Variants in NXNL2 observed in about 807,000 individuals in gnomAD.
NXNL2 encodes nucleoredoxin-like protein 2.
A neutral mutation model predicts 11.1 loss-of-function variants in NXNL2; 7 were observed. That is an observed-to-expected ratio of 0.63 (90% CI 0.36 to 1.18). The LOEUF (loss-of-function observed/expected upper bound fraction) is 1.18. NXNL2 is among the 50% of genes most tolerant of loss of function. NXNL2 has a pLI of 0.02. For synonymous variants in NXNL2, 109 were observed against 101.8 expected, an observed-to-expected ratio of 1.07 and a Z score of -0.42; for missense variants, 233 against 217.7, an observed-to-expected ratio of 1.07 and a Z score of -0.44.
intron 1 of NXNL2, among the ~76,000 whole-genome samples, chr9:88,562,106 A>C (rs1830092107): frequency 6.6e-6 from 1 of 152,242 alleles, no homozygotes; most frequent in South Asian, 2.1e-4. Flanking sequence ...GATACTACAC[A>C]GGGACAACCT....
rs150542040 is a variant in NXNL2 at position 88,544,542 on chromosome 9, G to C, written c.466G>C (p.Val156Leu). 2.0e-6 allele frequency: 3 copies of C among 1,530,778 alleles called. No homozygotes were observed. Among genetic ancestry groups the C allele is most frequent in the Non-Finnish European group, 2.6e-6 (3 of 1,136,304 alleles). The allele number at this position is 1,530,778 out of a possible 1,614,324, so 94.8% of individuals were successfully genotyped here. A position where few individuals can be genotyped will look rare whatever the true frequency, so the allele number is the denominator to read the frequency against. Residue 156 changes from valine (V) to leucine (L), a missense_variant, in exon 2 of 2, where the codon GTT becomes CTT. Coordinates refer to ENST00000375854, the MANE Select transcript of NXNL2 (RefSeq NM_001161625.2). ...EAADIFQNFS[V>L] ...GGCCGATATCTTCCAGAATTTCTCC[G>C]TTTGAAGTGGGAGGGACCTCAGAGG...
At chr9:88,552,766 G>A (rs138019181) in intron 1 of NXNL2, among the ~76,000 whole-genome samples, 1 of 152,204 alleles carries the variant, frequency 6.6e-6, no homozygotes, top group East Asian at 1.9e-4. Flanking sequence ...ACCGCGCCCG[G>A]TGAAACATGC....
At chr9:88,575,568 T>G (rs1453271301) in exon 3 of NXNL2, 1 of 152,180 alleles carries the variant, frequency 6.6e-6, no homozygotes, top group East Asian at 1.9e-4. Flanking sequence ...ATTGAACTCT[T>G]GGACATAGAG....
At chr9:88,564,075 G>A (rs557090690) in intron 1 of NXNL2, among the ~76,000 whole-genome samples, 9 of 151,990 alleles carry the variant, frequency 5.9e-5, no homozygotes, top group Admixed American at 5.2e-4. Context: ...GCTGGGCGTG[G>A]TGGCATGTGT....
chr9:88,548,003 G>A (rs139493955), downstream of NXNL2, among the ~76,000 whole-genome samples: 2,343 of 149,758 alleles, frequency 0.016, 69 homozygotes, highest in African/African-American at 0.054. Context: ...GCAACAAAGA[G>A]CGAAACTCCA....
intron 1 of NXNL2, among the ~76,000 whole-genome samples, chr9:88,539,231 C>T (rs939429994): frequency 6.6e-6 from 1 of 152,200 alleles, no homozygotes; most frequent in African/African-American, 2.4e-5. Context: ...GGTGTTGCTG[C>T]TCCTGGGACC....
In NXNL2 at chr9:88,544,486, G is replaced by A; in HGVS notation, c.410G>A (p.Gly137Glu). The A allele has an allele frequency of 6.4e-7, 1 of 1,551,580 alleles. No homozygotes were observed. The highest frequency in any genetic ancestry group is 8.7e-7 in the Non-Finnish European group (1 of 1,146,916). Residue 137 changes from glycine to glutamate, a missense_variant, in exon 2 of 2, where the codon GGG becomes GAG. Coordinates refer to ENST00000375854, the MANE Select transcript of NXNL2 (RefSeq NM_001161625.2). ...NKGRKQIRER[G>E]LACFQDWVEA... ...GGGCGGAAGCAGATCCGGGAACGGG[G>A]GTTGGCCTGCTTCCAGGACTGGGTG...
chr9:88,552,869 ATG>A (rs1476414438), intron 1 of NXNL2, among the ~76,000 whole-genome samples: 1 of 152,216 alleles, frequency 6.6e-6, no homozygotes, highest in Non-Finnish European at 1.5e-5. Flanking sequence ...GAGTATGAGA[ATG>A]AGAACAATTG....
At chr9:88,566,546 A>C (rs1830173408) in intron 1 of NXNL2, among the ~76,000 whole-genome samples, 1 of 151,904 alleles carries the variant, frequency 6.6e-6, no homozygotes, top group Admixed American at 6.6e-5. Flanking sequence ...CAGGTGATCC[A>C]CCCAGCTCGG....
intron 1 of NXNL2, among the ~76,000 whole-genome samples, chr9:88,568,298 TG>T (rs1236257477): frequency 6.6e-6 from 1 of 152,080 alleles, no homozygotes; most frequent in African/African-American, 2.4e-5. Context: ...CTGAATGGGA[TG>T]GCACAGGGGG....
intron 1 of NXNL2, among the ~76,000 whole-genome samples, chr9:88,553,725 A>G (rs372945387): frequency 6.6e-6 from 1 of 152,184 alleles, no homozygotes; most frequent in Non-Finnish European, 1.5e-5. Context: ...CATGTAAAAG[A>G]TCTGATATTA....
downstream of NXNL2, among the ~76,000 whole-genome samples, chr9:88,577,623 A>AAGAGAGAGAGAG (rs5899044): frequency 1.7e-4 from 26 of 149,496 alleles, no homozygotes; most frequent in South Asian, 6.4e-4. Flanking sequence ...TGGAGAGAGA[A>AAGAGAGAGAGAG]AGAGAGAGAG....
chr9:88,540,935 A>ATTTTTTTTT lies in NXNL2; in HGVS notation c.303-3425_303-3417dup, dbSNP rs71507764. On this transcript the variant is annotated intron_variant, in intron 1 of 1. Transcript: ENST00000375854. ...CTTTTTCCTTGCTCAATCTCAGTAG[A>ATTTTTTTTT]TTTTTTTTTTTTTTTTTTTTTTTTT... is the stretch of plus-strand genomic sequence containing the variant. 3.3e-4 allele frequency among the ~76,000 whole-genome samples: 30 copies of ATTTTTTTTT among 91,078 alleles called. 2 individuals are homozygous for ATTTTTTTTT. Among genetic ancestry groups the ATTTTTTTTT allele is most frequent in the African/African-American group, 1.5e-3 (30 of 20,194 alleles). 59.8% of individuals were successfully genotyped at this position (91,078 alleles called of 152,430 possible). A position where few individuals can be genotyped will look rare whatever the true frequency, so the allele number is the denominator to read the frequency against.
intron 1 of NXNL2, among the ~76,000 whole-genome samples, chr9:88,541,264 T>C (rs1472578059): frequency 6.8e-6 from 1 of 146,964 alleles, no homozygotes; most frequent in African/African-American, 2.5e-5. Context: ...TCAATCTCAG[T>C]AGACATTTTT....
chr9:88,577,005 T>C (rs1830355594), downstream of NXNL2, among the ~76,000 whole-genome samples: 1 of 152,098 alleles, frequency 6.6e-6, no homozygotes, highest in East Asian at 1.9e-4. Flanking sequence ...AGCCCCAGGC[T>C]ACTGCTTATG....
At chr9:88,548,559 G>A (rs528467591), downstream of NXNL2, among the ~76,000 whole-genome samples, 39 of 150,588 alleles carry the variant, frequency 2.6e-4, no homozygotes, top group Middle Eastern at 3.4e-3. Context: ...ATGGTGGCAT[G>A]CATCTGTAGT....
At chr9:88,563,852 G>A (rs1306721761) in intron 1 of NXNL2, among the ~76,000 whole-genome samples, 1 of 151,960 alleles carries the variant, frequency 6.6e-6, no homozygotes, top group Non-Finnish European at 1.5e-5. Flanking sequence ...CTCCTCAGAG[G>A]ACCCTTCCCT....
At chr9:88,537,904 C>T (rs1399300946) in intron 1 of NXNL2, among the ~76,000 whole-genome samples, 1 of 152,180 alleles carries the variant, frequency 6.6e-6, no homozygotes, top group East Asian at 1.9e-4. Flanking sequence ...GTTGCCATGG[C>T]AACCCAGAAG....
chr9:88,563,679 C>A (rs1163208428), intron 1 of NXNL2, among the ~76,000 whole-genome samples: 1 of 152,118 alleles, frequency 6.6e-6, no homozygotes, highest in Non-Finnish European at 1.5e-5. Context: ...TCCCAACCAC[C>A]CTGCTGCTCC....
Sources: allele counts gnomAD v4.1 joint callset (sites outside exome capture counted in the v4.1 genomes callset), GRCh38; gene constraint gnomAD v4.1.1; transcripts MANE v1.5; gene names NCBI Gene and HGNC (gene_info 2026-07-23, HGNC 2026-07-21).